JAKMIP3: variants seen among roughly 807,000 people sequenced by gnomAD.
JAKMIP3 encodes the protein janus kinase and microtubule-interacting protein 3.
JAKMIP3 carries 58 observed loss-of-function variants against 118.5 expected under a neutral mutation model. That is an observed-to-expected ratio of 0.49 (90% CI 0.40 to 0.61). JAKMIP3 has a LOEUF of 0.61. Ranked by LOEUF, JAKMIP3 falls within the 20% of genes least tolerant of loss-of-function variation. The pLI, the probability that JAKMIP3 is intolerant of heterozygous loss-of-function variation, is 0.00. For synonymous variants in JAKMIP3, 486 were observed against 451.2 expected, an observed-to-expected ratio of 1.08 and a Z score of -0.98; for missense variants, 950 against 1,109.0, an observed-to-expected ratio of 0.86 and a Z score of 2.04.
chr10:132,135,142 G>T lies in JAKMIP3; in HGVS notation c.951G>T (p.Ser317=), dbSNP rs368539160. 22 of 1,609,474 alleles carry T rather than the reference G, an allele frequency of 1.4e-5. No individual in the cohort carries two copies. In the African/African-American group the frequency reaches 2.1e-4, roughly 16 times the overall value. ...RKLEDRNALL[S]EERNELLKRV... The stretch of plus-strand genomic sequence containing the variant: ...TGGAGGACCGCAATGCATTGCTGTC[G>T]GAAGAGAGGAATGAGCTGGTGAGCG... Residue 317 remains serine, a synonymous_variant, in exon 5 of 24, where the codon TCG becomes TCT. Coordinates refer to ENST00000684848, the MANE Select transcript of JAKMIP3 (RefSeq NM_001323087.2).
intron 23 of JAKMIP3, among the ~76,000 whole-genome samples, chr10:132,180,403 G>C (rs1301999767): frequency 4.4e-5 from 6 of 136,072 alleles, no homozygotes; most frequent in African/African-American, 8.2e-5. Flanking sequence ...CTGACTGTGA[G>C]GGACAGTGCC....
intron 2 of JAKMIP3, among the ~76,000 whole-genome samples, chr10:132,107,906 GT>G (rs2135044063): frequency 6.6e-6 from 1 of 152,358 alleles, no homozygotes; most frequent in Non-Finnish European, 1.5e-5. Context: ...GCGTGTCTAT[GT>G]TTGCAGTTTG....
intron 2 of JAKMIP3, among the ~76,000 whole-genome samples, chr10:132,107,910 G>A (rs932244812): frequency 6.6e-6 from 1 of 151,000 alleles, no homozygotes; most frequent in South Asian, 2.1e-4. Context: ...GTCTATGTTT[G>A]CAGTTTGACG....
Position 132,118,154 on chromosome 10 carries a change from G to A in JAKMIP3, c.633+580G>A, listed in dbSNP as rs1469721080. Among the ~76,000 whole-genome samples, 3 of 152,140 alleles carry A rather than the reference G, an allele frequency of 2.0e-5. No individual in the cohort carries two copies. The highest frequency in any genetic ancestry group is 4.4e-5 in the Non-Finnish European group (3 of 68,020). On this transcript the variant is annotated intron_variant, in intron 3 of 23. Transcript: ENST00000684848. The surrounding 1 kb of genome is among the most constrained non-coding windows in gnomAD (Gnocchi z 4.8). ...TGTCTCTGCAGAACCGTTGCACTTG[G>A]GCTGGACCAGATGAGCTGCCGGTTT...
chr10:132,146,051 C>T (rs905051864), intron 13 of JAKMIP3, among the ~76,000 whole-genome samples: 22 of 152,250 alleles, frequency 1.4e-4, no homozygotes, highest in Admixed American at 4.6e-4. Context: ...TTTGAGACTT[C>T]GGCAAGGCGT....
At chr10:132,150,658 C>T (rs998507099) in intron 16 of JAKMIP3, among the ~76,000 whole-genome samples, 1 of 151,490 alleles carries the variant, frequency 6.6e-6, no homozygotes, top group Admixed American at 6.6e-5. Flanking sequence ...CCTCCATAAT[C>T]CATGTATCCA....
At chr10:132,150,728 C>G (rs200012347) in intron 16 of JAKMIP3, among the ~76,000 whole-genome samples, 173 of 149,738 alleles carry the variant, frequency 1.2e-3, no homozygotes, top group East Asian at 4.4e-3. Context: ...CATAATCCAT[C>G]TATCCGTCCT....
intron 21 of JAKMIP3, 125 bp downstream of exon 21, chr10:132,164,860 GGAAGCGGCCGCCTGGAGGCCT>G: frequency 1.5e-6 from 1 of 681,536 alleles, no homozygotes; most frequent in Non-Finnish European, 2.6e-6. Flanking sequence ...AACAGCAGCG[GGAAGCGGCCGCCTGGAGGCCT>G]GAAGGCTGGG....
chr10:132,180,518 C>T (rs113270920), intron 23 of JAKMIP3, among the ~76,000 whole-genome samples: 10 of 130,632 alleles, frequency 7.7e-5, no homozygotes, highest in African/African-American at 2.7e-4. Context: ...AACCTGGAAG[C>T]AGAACTGTGT....
At chr10:132,143,552 AAG>A (rs2054004636) in intron 11 of JAKMIP3, among the ~76,000 whole-genome samples, 1 of 140,248 alleles carries the variant, frequency 7.1e-6, no homozygotes, top group African/African-American at 2.5e-5. Context: ...ATGTAAAAAA[AAG>A]TTTAATGTCA....
chr10:132,145,104 C>T lies in JAKMIP3; in HGVS notation c.1603-3C>T. On this transcript the variant is annotated splice_region_variant and splice_polypyrimidine_tract_variant and intron_variant, in intron 11 of 23. Coordinates refer to ENST00000684848, the MANE Select transcript of JAKMIP3 (RefSeq NM_001323087.2). ...TTGATGTATCTTTCCTCCCGTCCTACAGACCCGTGAGCAGCTACAAGCCGA... is the reference window on the plus strand; with the variant it reads ...TTGATGTATCTTTCCTCCCGTCCTATAGACCCGTGAGCAGCTACAAGCCGA... 1.2e-6 allele frequency: 2 copies of T among 1,611,682 alleles called. No individual in the cohort carries two copies. The highest frequency in any genetic ancestry group is 1.7e-6 in the Non-Finnish European group (2 of 1,179,354).
At position 132,126,324 on chromosome 10, in the gene JAKMIP3, A is replaced by T. The variant is rs1332046913; in HGVS notation, c.634-6988A>T. 2.1e-4 allele frequency among the ~76,000 whole-genome samples: 30 copies of T among 144,942 alleles called. 1 individual carries two copies. In the Admixed American group the frequency reaches 2.1e-3, roughly 10 times the overall value. On this transcript the variant is annotated intron_variant, in intron 3 of 23. Transcript: ENST00000684848. ...ATACTTTTTTTTTTTTTTTTCCTGGACACGGTCTCGCTCTGTCACCCAGGC... is the reference window on the plus strand; with the variant it reads ...ATACTTTTTTTTTTTTTTTTCCTGGTCACGGTCTCGCTCTGTCACCCAGGC...
rs950911300 is a variant in JAKMIP3 at position 132,090,501 on chromosome 10, G to A, written c.-137-14171G>A. On this transcript the variant is annotated intron_variant, in intron 1 of 23. Coordinates refer to ENST00000684848, the MANE Select transcript of JAKMIP3 (RefSeq NM_001323087.2). ...AGATTTTCTAGTTTATTTGCGTAGAGGTGTTTATAGTATTCTCTGATGGTA... is the reference window on the plus strand; with the variant it reads ...AGATTTTCTAGTTTATTTGCGTAGAAGTGTTTATAGTATTCTCTGATGGTA... 8.5e-4 allele frequency among the ~76,000 whole-genome samples: 129 copies of A among 152,286 alleles called. 2 individuals are homozygous for A. Among genetic ancestry groups the A allele is most frequent in the African/African-American group, 2.9e-3 (120 of 41,554 alleles).
intron 1 of JAKMIP3, among the ~76,000 whole-genome samples, chr10:132,087,341 CGATGATCTTTTGGG>C (rs2042531144): frequency 6.7e-6 from 1 of 149,346 alleles, no homozygotes; most frequent in Non-Finnish European, 1.5e-5. Context: ...TGTGCCTAGG[CGATGATCTTTTGGG>C]GATGAATTTC....
chr10:132,126,260 TG>T (rs1447507078), intron 3 of JAKMIP3, among the ~76,000 whole-genome samples: 1 of 151,900 alleles, frequency 6.6e-6, no homozygotes, highest in Non-Finnish European at 1.5e-5. Context: ...GCAGGTTGGT[TG>T]GTTGGTTTTG....
upstream of JAKMIP3, among the ~76,000 whole-genome samples, chr10:132,060,341 G>A (rs1213929321): frequency 6.6e-6 from 1 of 152,170 alleles, no homozygotes; most frequent in Non-Finnish European, 1.5e-5. Context: ...GCAGTCACAG[G>A]GGCAGGCACA....
intron 1 of JAKMIP3, among the ~76,000 whole-genome samples, chr10:132,086,470 A>G (rs1470475229): frequency 6.6e-6 from 1 of 152,086 alleles, no homozygotes; most frequent in African/African-American, 2.4e-5. Flanking sequence ...GAAGTTCCCC[A>G]CTATTATTGT....
intron 1 of JAKMIP3, among the ~76,000 whole-genome samples, chr10:132,072,345 G>GC (rs1335122334): frequency 2.6e-5 from 4 of 152,058 alleles, no homozygotes; most frequent in Non-Finnish European, 5.9e-5. Flanking sequence ...AGGAATTTGA[G>GC]ACCAGCCTGG....
intron 2 of JAKMIP3, among the ~76,000 whole-genome samples, chr10:132,115,619 C>T (rs1041169190): frequency 2.6e-5 from 4 of 152,140 alleles, no homozygotes; most frequent in Admixed American, 6.5e-5. Context: ...GTGTCATTCA[C>T]GTAAAGGAAA....
Sources: allele counts gnomAD v4.1 joint callset (sites outside exome capture counted in the v4.1 genomes callset), GRCh38; gene constraint gnomAD v4.1.1; non-coding constraint Gnocchi (gnomAD v3.1); transcripts MANE v1.5; gene names NCBI Gene and HGNC (gene_info 2026-07-23, HGNC 2026-07-21).